The following AUTS2 variants were observed in gnomAD, a reference collection of about 807,000 sequenced individuals.
The protein encoded by AUTS2 is autism susceptibility gene 2 protein.
A neutral mutation model predicts 112.4 loss-of-function variants in AUTS2; 17 were observed. The observed-to-expected ratio is 0.15, with a 90% confidence interval of 0.10 to 0.23. The LOEUF (loss-of-function observed/expected upper bound fraction) is 0.23, where lower values mean the gene tolerates loss of function less well. Among genes scored for constraint, AUTS2 ranks in the 10% least tolerant of loss-of-function variants. The pLI is 1.00. For missense variants in AUTS2, 1,510 were observed against 1,701.6 expected (o/e 0.89, Z 1.98); for synonymous variants, 751 against 702.7 (o/e 1.07, Z -1.09).
intron 2 of AUTS2, among the ~76,000 whole-genome samples, chr7:69,969,809 G>A (rs1797775774): frequency 6.6e-6 from 1 of 152,126 alleles, no homozygotes; most frequent in South Asian, 2.1e-4. Context: ...TTTGATATAA[G>A]CTTGTAATTG....
chr7:70,277,655 TAATC>T (rs1199120435), intron 4 of AUTS2, among the ~76,000 whole-genome samples: 5 of 152,122 alleles, frequency 3.3e-5, no homozygotes, highest in Non-Finnish European at 7.4e-5. Context: ...AATAGACTAA[TAATC>T]TATCTTAAAG....
At chr7:70,302,620 C>T (rs1562864421) in intron 4 of AUTS2, among the ~76,000 whole-genome samples, 1 of 151,922 alleles carries the variant, frequency 6.6e-6, no homozygotes, top group African/African-American at 2.4e-5. Context: ...GGCCATCTAT[C>T]CACCATTTAT....
At position 70,507,356 on chromosome 7, in the gene AUTS2, C is replaced by T. The variant is rs374423002; in HGVS notation, c.690+71575C>T. ...GAGTTTGAGGCCAGCCTAGGCAAGA[C>T]CACATCTCTACAAAAATTTTTAAAA... On this transcript the variant is annotated intron_variant, in intron 5 of 18. Transcript: ENST00000342771. Among the ~76,000 whole-genome samples, 4 of 150,624 alleles carry T rather than the reference C, an allele frequency of 2.7e-5. No homozygotes were observed. The East Asian group carries it at 8.0e-4, about 30-fold the overall frequency.
intron 2 of AUTS2, among the ~76,000 whole-genome samples, chr7:70,081,965 T>TGTGCGCAC (rs1018968486): frequency 2.3e-5 from 3 of 128,016 alleles, no homozygotes; most frequent in African/African-American, 8.5e-5. Context: ...TGTGTGTGTG[T>TGTGCGCAC]GCGCGCGCCT....
intron 5 of AUTS2, among the ~76,000 whole-genome samples, chr7:70,659,148 C>A (rs929230204): frequency 1.3e-5 from 2 of 152,170 alleles, no homozygotes; most frequent in Non-Finnish European, 1.5e-5. Context: ...GGACAAGGAG[C>A]CTTGCTGTGG....
At chr7:70,326,387 G>A (rs144891665) in intron 4 of AUTS2, among the ~76,000 whole-genome samples, 4 of 152,230 alleles carry the variant, frequency 2.6e-5, no homozygotes, top group Admixed American at 1.3e-4. Flanking sequence ...TACTCCATGC[G>A]TTTACCTTTC....
At chr7:69,687,997 A>G (rs1797140318) in intron 1 of AUTS2, among the ~76,000 whole-genome samples, 1 of 152,358 alleles carries the variant, frequency 6.6e-6, no homozygotes, top group Non-Finnish European at 1.5e-5. Context: ...CAGTAAAAAT[A>G]TGTATTAAGC....
At chr7:69,601,619 G>A (rs1792414934) in intron 1 of AUTS2, among the ~76,000 whole-genome samples, 1 of 151,934 alleles carries the variant, frequency 6.6e-6, no homozygotes, top group Admixed American at 6.6e-5. Context: ...GGTGGTGGTC[G>A]TAGATTTTGA....
intron 2 of AUTS2, among the ~76,000 whole-genome samples, chr7:69,928,720 G>A (rs1796121424): frequency 1.3e-5 from 2 of 152,100 alleles, no homozygotes; most frequent in Non-Finnish European, 2.9e-5. Flanking sequence ...GGCTTCCCGA[G>A]CCCCCAAGAA....
chr7:69,876,977 C>A (rs1304152571), intron 1 of AUTS2, among the ~76,000 whole-genome samples: 1 of 152,130 alleles, frequency 6.6e-6, no homozygotes, highest in Non-Finnish European at 1.5e-5. Context: ...CACTGATTAG[C>A]TTGGGACTTG....
intron 6 of AUTS2, among the ~76,000 whole-genome samples, chr7:70,703,093 G>A (rs1024370379): frequency 2.6e-5 from 4 of 152,078 alleles, no homozygotes; most frequent in African/African-American, 4.8e-5. Context: ...CTTCCATGGC[G>A]ACCATATGAC....
chr7:70,642,733 T>C (rs973091118), intron 5 of AUTS2, among the ~76,000 whole-genome samples: 6 of 152,168 alleles, frequency 3.9e-5, no homozygotes, highest in Non-Finnish European at 2.9e-5. Flanking sequence ...CATTCCATCC[T>C]CCTCAGTGAC....
At chr7:70,439,399 C>T (rs1394735388) in intron 5 of AUTS2, among the ~76,000 whole-genome samples, 1 of 151,936 alleles carries the variant, frequency 6.6e-6, no homozygotes, top group African/African-American at 2.4e-5. Flanking sequence ...ATTAGCCGGG[C>T]GTGGTAGCAC....
At chr7:70,647,290 G>A (rs997093451) in intron 5 of AUTS2, among the ~76,000 whole-genome samples, 1 of 152,126 alleles carries the variant, frequency 6.6e-6, no homozygotes, top group Non-Finnish European at 1.5e-5. Flanking sequence ...AGTGAGAAAC[G>A]CTGGACGGCT....
chr7:70,224,549 T>C (rs1382336046), intron 4 of AUTS2, among the ~76,000 whole-genome samples: 1 of 152,100 alleles, frequency 6.6e-6, no homozygotes, highest in African/African-American at 2.4e-5. Flanking sequence ...GTAAAAAACA[T>C]TACAGTAGGC....
chr7:70,667,205 G>A (rs958600554), intron 5 of AUTS2, among the ~76,000 whole-genome samples: 2 of 152,096 alleles, frequency 1.3e-5, no homozygotes, highest in African/African-American at 4.8e-5. Context: ...CTGCACCAGG[G>A]CTTCGTAATT....
At chr7:69,909,047 C>A (rs757252904) in intron 2 of AUTS2, among the ~76,000 whole-genome samples, 11 of 152,102 alleles carry the variant, frequency 7.2e-5, no homozygotes, top group African/African-American at 2.4e-4. Flanking sequence ...TTTAAATAAA[C>A]TGTACTTATT....
rs141714268 is a variant in AUTS2 at position 70,790,546 on chromosome 7, C to T, written c.3330C>T (p.Tyr1110=). 574 of 1,604,930 alleles carry T rather than the reference C, an allele frequency of 3.6e-4. 2 individuals are homozygous for T. The highest frequency in any genetic ancestry group is 1.8e-3 in the South Asian group (161 of 89,932). Residue 1110 remains tyrosine, a synonymous_variant, in exon 19 of 19, where the codon TAC becomes TAT. Coordinates refer to ENST00000342771, the MANE Select transcript of AUTS2 (RefSeq NM_015570.4). This position sits in a 1 kb window ranked among gnomAD's most constrained non-coding sequence, Gnocchi z 7.6. ...ACCGGCTCTCGACTCCCCGGCTGTACGAAGCCGACCGCTCCTTCAGGGACC... is the reference window on the plus strand; with the variant it reads ...ACCGGCTCTCGACTCCCCGGCTGTATGAAGCCGACCGCTCCTTCAGGGACC... ...PLHRLSTPRL[Y]EADRSFRDRE...
In AUTS2 at chr7:69,892,630, T is replaced by G. The variant is rs573702264; in HGVS notation, c.310-6656T>G. On this transcript the variant is annotated intron_variant, in intron 1 of 18. Transcript: ENST00000342771. ...CAAAATTTTAATTCTTGAAGTGTAA[T>G]TTATCAATTTATTCTTTTATGGATT... is the stretch of plus-strand genomic sequence containing the variant. Among the ~76,000 whole-genome samples, 4 of 152,328 alleles carry G rather than the reference T, an allele frequency of 2.6e-5. No homozygotes were observed. In the East Asian group the frequency reaches 7.7e-4, roughly 29 times the overall value.
Sources: allele counts gnomAD v4.1 joint callset (sites outside exome capture counted in the v4.1 genomes callset), GRCh38; gene constraint gnomAD v4.1.1; non-coding constraint Gnocchi (gnomAD v3.1); transcripts MANE v1.5; gene names NCBI Gene and HGNC (gene_info 2026-07-23, HGNC 2026-07-21).